Variants in ANKRD13C observed in about 807,000 individuals in gnomAD.
The protein encoded by ANKRD13C is ankyrin repeat domain 13C, also known as ankyrin repeat domain-containing protein 13C.
A neutral mutation model predicts 65.5 loss-of-function variants in ANKRD13C; 16 were observed. The observed-to-expected ratio is 0.24, with a 90% CI of 0.17 to 0.37. The LOEUF (loss-of-function observed/expected upper bound fraction) is 0.37, where lower values mean the gene tolerates loss of function less well. Ranked by LOEUF, ANKRD13C falls within the 10% of genes least tolerant of loss-of-function variation. ANKRD13C has a pLI of 1.00. For missense variants in ANKRD13C, 503 were observed against 655.9 expected, an observed-to-expected ratio of 0.77 and a Z score of 2.55; for synonymous variants, 235 against 238.7, an observed-to-expected ratio of 0.98 and a Z score of 0.14.
chr1:70,292,577 A>G, intron 8 of ANKRD13C, 28 bp from the exon 9 acceptor site: 1 of 1,546,310 alleles, frequency 6.5e-7, no homozygotes, highest in Non-Finnish European at 8.7e-7. Context: ...ATTTAAAAGT[A>G]AAATTTTTAG....
At chr1:70,326,231 CAAAAAAAAAAA>C (rs59618915) in intron 2 of ANKRD13C, among the ~76,000 whole-genome samples, 51 of 31,090 alleles carry the variant, frequency 1.6e-3, no homozygotes, top group Middle Eastern at 0.029. Flanking sequence ...AACTCTGTCT[CAAAAAAAAAAA>C]AAAAAAAAAA....
intron 2 of ANKRD13C, among the ~76,000 whole-genome samples, chr1:70,325,705 C>T (rs190135518): frequency 3.5e-4 from 53 of 151,806 alleles, no homozygotes; most frequent in Non-Finnish European, 6.5e-4. Flanking sequence ...GGTGAAACCC[C>T]GTCTCTACTA....
intron 6 of ANKRD13C, among the ~76,000 whole-genome samples, chr1:70,301,178 CAT>C (rs3839011): frequency 0.014 from 2,134 of 148,484 alleles, 27 homozygotes; most frequent in South Asian, 0.041. Flanking sequence ...TATACACACA[CAT>C]ATATATATAT....
At chr1:70,307,428 CAAAT>C (rs1333856262) in intron 5 of ANKRD13C, among the ~76,000 whole-genome samples, 1 of 151,798 alleles carries the variant, frequency 6.6e-6, no homozygotes, top group African/African-American at 2.4e-5. Flanking sequence ...AATAAATAAA[CAAAT>C]AAAATTTTTA....
chr1:70,271,839 C>A (rs907323385), intron 11 of ANKRD13C, among the ~76,000 whole-genome samples: 3 of 152,162 alleles, frequency 2.0e-5, no homozygotes, highest in Non-Finnish European at 4.4e-5. Context: ...TTTGGTTATA[C>A]TTGGACGCCT....
intron 1 of ANKRD13C, among the ~76,000 whole-genome samples, chr1:70,344,370 G>A (rs1309433920): frequency 6.6e-6 from 1 of 151,708 alleles, no homozygotes; most frequent in East Asian, 1.9e-4. Context: ...GGAGGGTGAG[G>A]TGGGAGGATT....
intron 1 of ANKRD13C, among the ~76,000 whole-genome samples, chr1:70,338,324 T>C (rs1182699354): frequency 6.6e-6 from 1 of 152,154 alleles, no homozygotes; most frequent in Non-Finnish European, 1.5e-5. Context: ...CATTAGGAAC[T>C]CTCAGTAAAG....
At chr1:70,288,765 C>T (rs1476659427) in intron 9 of ANKRD13C, among the ~76,000 whole-genome samples, 1 of 152,080 alleles carries the variant, frequency 6.6e-6, no homozygotes, top group Non-Finnish European at 1.5e-5. Flanking sequence ...AGCAAATGTG[C>T]CTATAAAAGA....
chr1:70,319,380 TG>T (rs1422773879), intron 3 of ANKRD13C, among the ~76,000 whole-genome samples: 1 of 151,794 alleles, frequency 6.6e-6, no homozygotes, highest in Admixed American at 6.6e-5. Flanking sequence ...CCGAGCCGGG[TG>T]GATTGCCTGA....
intron 9 of ANKRD13C, among the ~76,000 whole-genome samples, chr1:70,286,253 A>G (rs997593396): frequency 1.3e-5 from 2 of 152,132 alleles, no homozygotes; most frequent in African/African-American, 4.8e-5. Flanking sequence ...AAAAAGATTT[A>G]TAATTGAACT....
At chr1:70,286,896 G>T (rs115399700) in intron 9 of ANKRD13C, among the ~76,000 whole-genome samples, 11,922 of 152,206 alleles carry the variant, frequency 0.078, 669 homozygotes, top group East Asian at 0.29. Flanking sequence ...TGAGGCGGGA[G>T]AATTGCTTGA....
At chr1:70,347,330 C>T (rs141789607) in intron 1 of ANKRD13C, among the ~76,000 whole-genome samples, 1 of 152,106 alleles carries the variant, frequency 6.6e-6, no homozygotes, top group African/African-American at 2.4e-5. Flanking sequence ...GAACTGCACT[C>T]ATTTTCTGGA....
chr1:70,276,510 G>GT (rs1679141152), intron 10 of ANKRD13C, among the ~76,000 whole-genome samples: 1 of 152,136 alleles, frequency 6.6e-6, no homozygotes, highest in African/African-American at 2.4e-5. Context: ...GTGTCTTTTA[G>GT]TTTTTTAGGT....
At position 70,324,885 on chromosome 1, in the gene ANKRD13C, G is replaced by A. The variant is rs771631682; in HGVS notation, c.545C>T (p.Ala182Val). 8.1e-6 allele frequency: 13 copies of A among 1,610,870 alleles called. No individual in the cohort carries two copies. The highest frequency in any genetic ancestry group is 3.3e-5 in the Admixed American group (2 of 59,870). Residue 182 changes from alanine (A) to valine (V), a missense_variant, in exon 3 of 13, where the codon GCG (alanine) becomes GTG (valine). Ala to Val is a moderately conservative substitution (Grantham distance 64). This residue lies in a region of ANKRD13C where 300 missense variants were observed against 478.3 expected (regional missense o/e 0.63). Transcript: ENST00000370944. ...CCTATCTCCATAGCTGATGGCTTCC[G>A]CCAGAGGGCTCCATCCCTGAGCATT... Reference protein sequence around the residue: ...VKNAQGWSPLAEAISYGDRQM... With the variant: ...VKNAQGWSPLVEAISYGDRQM...
chr1:70,276,668 T>C, intron 10 of ANKRD13C, 97 bp downstream of exon 10: 2 of 985,788 alleles, frequency 2.0e-6, no homozygotes, highest in Non-Finnish European at 3.0e-6. Flanking sequence ...CCAATAATTC[T>C]CTCCAAAATA....
intron 1 of ANKRD13C, among the ~76,000 whole-genome samples, chr1:70,343,662 A>G (rs1480009812): frequency 2.6e-5 from 4 of 152,030 alleles, no homozygotes; most frequent in Non-Finnish European, 5.9e-5. Flanking sequence ...CCTCCTGACT[A>G]GCTGGGATTA....
intron 1 of ANKRD13C, among the ~76,000 whole-genome samples, chr1:70,352,482 G>A (rs558892390): frequency 6.6e-6 from 1 of 152,018 alleles, no homozygotes; most frequent in African/African-American, 2.4e-5. Flanking sequence ...AGACATGGAA[G>A]CCCAACAATC....
At chr1:70,341,366 T>G (rs1163939746) in intron 1 of ANKRD13C, among the ~76,000 whole-genome samples, 42 of 145,352 alleles carry the variant, frequency 2.9e-4, no homozygotes, top group East Asian at 9.9e-4. Context: ...TTTGTGTGTT[T>G]TTTTTTTTTT....
chr1:70,314,193 C>T (rs1165185880), intron 4 of ANKRD13C, among the ~76,000 whole-genome samples: 1 of 151,426 alleles, frequency 6.6e-6, no homozygotes, highest in Non-Finnish European at 1.5e-5. Flanking sequence ...AAATCTGAAA[C>T]ATGTCATCAT....
Sources: allele counts gnomAD v4.1 joint callset (sites outside exome capture counted in the v4.1 genomes callset), GRCh38; gene constraint gnomAD v4.1.1; regional missense constraint gnomAD v4.1.1; transcripts MANE v1.5; gene names NCBI Gene and HGNC (gene_info 2026-07-23, HGNC 2026-07-21).